Variants in ZNF100 observed in about 807,000 individuals in gnomAD.
The protein encoded by ZNF100 is zinc finger protein 100, also known as zinc finger protein 100 (Y1).
ZNF100 carries 12 observed loss-of-function variants against 15.8 expected under a neutral mutation model. The ratio of observed to expected loss-of-function variants is 0.76; its 90% CI spans 0.49 to 1.23. ZNF100 has a LOEUF of 1.23. Among genes scored for constraint, ZNF100 ranks in the 50% most tolerant of loss-of-function variants. The pLI is 0.00. For missense variants in ZNF100, 670 were observed against 635.6 expected (o/e 1.05, Z -0.58); for synonymous variants, 226 against 214.8 (o/e 1.05, Z -0.45).
intron 4 of ZNF100, among the ~76,000 whole-genome samples, chr19:21,741,657 G>A (rs1208427083): frequency 6.6e-6 from 1 of 151,734 alleles, no homozygotes; most frequent in Non-Finnish European, 1.5e-5. Context: ...TTACAGGCAT[G>A]AGCCACCACG....
intron 3 of ZNF100, among the ~76,000 whole-genome samples, chr19:21,744,395 CG>C (rs2036174816): frequency 1.3e-5 from 2 of 152,054 alleles, no homozygotes; most frequent in South Asian, 4.1e-4. Flanking sequence ...ATTTTTGAGA[CG>C]GAGTCTCGCT....
intron 2 of ZNF100, among the ~76,000 whole-genome samples, chr19:21,746,613 A>T (rs1450548523): frequency 6.6e-6 from 1 of 151,374 alleles, no homozygotes; most frequent in African/African-American, 2.5e-5. Context: ...GGCATATAAG[A>T]AGCCATGATA....
At chr19:21,755,797 C>G (rs1234089038) in intron 2 of ZNF100, among the ~76,000 whole-genome samples, 1 of 152,126 alleles carries the variant, frequency 6.6e-6, no homozygotes, top group Non-Finnish European at 1.5e-5. Context: ...ATGAATGAAG[C>G]TGGAAGCCAG....
intron 4 of ZNF100, among the ~76,000 whole-genome samples, chr19:21,730,317 AAAT>A (rs1211336570): frequency 1.3e-5 from 2 of 152,096 alleles, no homozygotes; most frequent in Admixed American, 6.5e-5. Context: ...GAAGAGGTCA[AAAT>A]AATATTACAT....
intron 4 of ZNF100, among the ~76,000 whole-genome samples, chr19:21,739,792 T>C (rs1404734283): frequency 6.6e-6 from 1 of 152,212 alleles, no homozygotes; most frequent in South Asian, 2.1e-4. Context: ...CTAGGCAACA[T>C]AGGCTAGTCT....
At position 21,727,198 on chromosome 19, in the gene ZNF100, G is replaced by C. The variant is rs1222162457; in HGVS notation, c.1114C>G (p.Pro372Ala). 6.2e-7 allele frequency: 1 copy of C among 1,613,342 alleles called. No individual in the cohort carries two copies. Among genetic ancestry groups the C allele is most frequent in the South Asian group, 1.1e-5 (1 of 91,028 alleles). Residue 372 changes from proline (P) to alanine (A), a missense_variant, in exon 5 of 5, where the codon CCT becomes GCT. Physicochemically the swap from Pro to Ala is conservative, Grantham distance 27 (BLOSUM62 -1). Transcript: ENST00000358296. ...TTGCCACATTCTTCACATTTGTAAGGTTTCTCTCCAGCATGAGTTATCTTA... is the reference window on the plus strand; with the variant it reads ...TTGCCACATTCTTCACATTTGTAAGCTTTCTCTCCAGCATGAGTTATCTTA... Reference protein sequence around the residue: ...THKITHAGEKPYKCEECGKAF... With the variant: ...THKITHAGEKAYKCEECGKAF...
At position 21,727,380 on chromosome 19, in the gene ZNF100, T is replaced by A. The variant is rs770566763; in HGVS notation, c.932A>T (p.His311Leu). The change falls in exon 5 of 5, where the codon CAT becomes CTT. Residue 311 changes from histidine to leucine, a missense_variant. By Grantham distance (99) the His-to-Leu change is moderately conservative. Coordinates refer to ENST00000358296, the MANE Select transcript of ZNF100 (RefSeq NM_173531.4). ...SSHLTTHKRI[H>L]TGVKPYKCTE... The stretch of plus-strand genomic sequence containing the variant: ...ACATTTGTAGGGTTTCACTCCAGTA[T>A]GAATTCTTTTATGTGTAGTAAGGTG... 2.5e-6 allele frequency: 4 copies of A among 1,612,972 alleles called. No homozygotes were observed. In the African/African-American group the frequency reaches 4.0e-5, roughly 16 times the overall value.
At chr19:21,762,079 G>A (rs1405914003) in intron 2 of ZNF100, among the ~76,000 whole-genome samples, 1 of 152,196 alleles carries the variant, frequency 6.6e-6, no homozygotes. Flanking sequence ...TCAGGAGGCT[G>A]AGGCAGGAGA....
chr19:21,748,173 T>C (rs1228833348), intron 2 of ZNF100, among the ~76,000 whole-genome samples: 3 of 152,212 alleles, frequency 2.0e-5, no homozygotes, highest in East Asian at 1.9e-4. Context: ...AAAAATAAGA[T>C]GTTAAAATGT....
At chr19:21,766,783 G>A (rs949831015) in intron 1 of ZNF100, among the ~76,000 whole-genome samples, 7 of 152,000 alleles carry the variant, frequency 4.6e-5, no homozygotes, top group African/African-American at 1.4e-4. Context: ...CACGAGGTCA[G>A]GAGTTCAAGA....
chr19:21,733,360 A>G (rs950032712), intron 4 of ZNF100, among the ~76,000 whole-genome samples: 6 of 152,212 alleles, frequency 3.9e-5, no homozygotes, highest in African/African-American at 1.4e-4. Context: ...TGAAGGTGTG[A>G]TGAGATTAAA....
Position 21,725,715 on chromosome 19 carries a change from C to G in ZNF100, c.*968G>C, listed in dbSNP as rs576313509. The G allele has an allele frequency of 6.6e-6, 1 of 152,090 alleles. No homozygotes were observed. The highest frequency in any genetic ancestry group is 1.9e-4 in the East Asian group (1 of 5,188). 9.4% of individuals were successfully genotyped at this position (152,090 alleles called of 1,614,324 possible). A position where few individuals can be genotyped will look rare whatever the true frequency, so the allele number is the denominator to read the frequency against. ...CAAAAAGTTAAGCATACTTTGAATG[C>G]AATAACTGCAAAAAATTTCTACTTT... is the stretch of plus-strand genomic sequence containing the variant. On this transcript the variant is annotated 3_prime_UTR_variant, in exon 5 of 5. Transcript: ENST00000358296.
In ZNF100 at chr19:21,725,181, G is replaced by A. The variant is rs1355723565; in HGVS notation, c.*1502C>T. On this transcript the variant is annotated 3_prime_UTR_variant, in exon 5 of 5. Transcript: ENST00000358296. Reference sequence around the variant, plus strand: ...CCATTATGTTACCAAATAGTATACTGTTACCATGTTTTACGTACACCCTTG... The same window carrying A: ...CCATTATGTTACCAAATAGTATACTATTACCATGTTTTACGTACACCCTTG... The A allele has an allele frequency of 2.0e-3, 307 of 152,240 alleles. 3 individuals are homozygous for A. The highest frequency in any genetic ancestry group is 7.1e-3 in the African/African-American group (296 of 41,548). 9.4% of individuals were successfully genotyped at this position (152,240 alleles called of 1,614,324 possible).
intron 2 of ZNF100, among the ~76,000 whole-genome samples, chr19:21,755,293 G>A (rs894488275): frequency 3.4e-5 from 5 of 148,006 alleles, no homozygotes; most frequent in African/African-American, 1.2e-4. Context: ...GCCAATGAGA[G>A]TGAAAGTCCG....
chr19:21,745,140 A>C, intron 2 of ZNF100, 73 bp from the exon 3 acceptor site: 1 of 1,542,796 alleles, frequency 6.5e-7, no homozygotes, highest in Non-Finnish European at 8.7e-7. Context: ...ATTTGAATTA[A>C]AATGAAATGA....
intron 2 of ZNF100, among the ~76,000 whole-genome samples, chr19:21,747,454 C>T (rs1273558711): frequency 6.6e-6 from 1 of 152,170 alleles, no homozygotes; most frequent in Non-Finnish European, 1.5e-5. Flanking sequence ...TCAAAAATCA[C>T]TTGGTAATGT....
rs991767032 is a variant in ZNF100, at chr19:21,723,102, A to C, written c.*3581T>G. The C allele has an allele frequency of 1.3e-5, 2 of 152,124 alleles. No individual in the cohort carries two copies. Among genetic ancestry groups the C allele is most frequent in the African/African-American group, 4.8e-5 (2 of 41,418 alleles). The allele number at this position is 152,124 out of a possible 1,614,324, so 9.4% of individuals were successfully genotyped here. A position where few individuals can be genotyped will look rare whatever the true frequency, so the allele number is the denominator to read the frequency against. On this transcript the variant is annotated 3_prime_UTR_variant, in exon 5 of 5. Coordinates refer to ENST00000358296, the MANE Select transcript of ZNF100 (RefSeq NM_173531.4). Reference sequence around the variant, plus strand: ...TGCAGTGGCTTATGCCTGTAATCCAAGCACTTTGGGAGGCTGAGGCAGGTG... The same window carrying C: ...TGCAGTGGCTTATGCCTGTAATCCACGCACTTTGGGAGGCTGAGGCAGGTG...
At chr19:21,752,498 T>C (rs1429547664) in intron 2 of ZNF100, 1 of 152,642 alleles carries the variant, frequency 6.6e-6, no homozygotes, top group Non-Finnish European at 1.5e-5. Flanking sequence ...TGGATAACAT[T>C]TGTCATTCAT....
intron 2 of ZNF100, among the ~76,000 whole-genome samples, chr19:21,755,775 C>T (rs531638496): frequency 6.6e-5 from 10 of 152,168 alleles, no homozygotes; most frequent in Non-Finnish European, 8.8e-5. Flanking sequence ...AGATCATGTC[C>T]TCTGCAGGAA....
Sources: gnomAD v4.1 joint callset for allele counts (sites outside exome capture counted in the v4.1 genomes callset) on GRCh38, gnomAD v4.1.1 for gene constraint, MANE v1.5 for transcripts, NCBI Gene and HGNC (gene_info 2026-07-23, HGNC 2026-07-21) for gene names.